The following PIP5K1C variants were observed in gnomAD, a reference collection of about 807,000 sequenced individuals.
The protein encoded by PIP5K1C is phosphatidylinositol 4-phosphate 5-kinase type-1 gamma.
PIP5K1C carries 45 observed loss-of-function variants against 80.1 expected under a neutral mutation model. The observed-to-expected ratio is 0.56, with a 90% CI of 0.44 to 0.72. PIP5K1C has a LOEUF of 0.72. Ranked by LOEUF, PIP5K1C falls within the 30% of genes least tolerant of loss-of-function variation. The probability of loss-of-function intolerance (pLI) is 0.00; values close to 1 mark genes in which losing one functional copy is unlikely to be tolerated. For synonymous variants in PIP5K1C, 498 were observed against 420.1 expected (o/e 1.19, Z -2.27); for missense variants, 753 against 954.6 (o/e 0.79, Z 2.78).
chr19:3,659,403 C>T (rs1352447178), intron 5 of PIP5K1C, among the ~76,000 whole-genome samples: 2 of 152,234 alleles, frequency 1.3e-5, no homozygotes, highest in Non-Finnish European at 1.5e-5. Context: ...CCCTGGAATG[C>T]GATCTTATCG....
intron 1 of PIP5K1C, among the ~76,000 whole-genome samples, chr19:3,690,092 T>C (rs2035899440): frequency 6.6e-6 from 1 of 150,544 alleles, no homozygotes; most frequent in African/African-American, 2.5e-5. Context: ...TTTTACTCAC[T>C]GCAAGTCTGA....
At chr19:3,646,162 T>C (rs1208758119) in intron 10 of PIP5K1C, 104 bp from the exon 11 acceptor site, 4 of 744,262 alleles carry the variant, frequency 5.4e-6, no homozygotes, top group Admixed American at 1.9e-5. Flanking sequence ...GCACCTTCTG[T>C]GTGAAAAGGC....
chr19:3,654,080 C>T (rs953780521), intron 6 of PIP5K1C, among the ~76,000 whole-genome samples: 1 of 152,240 alleles, frequency 6.6e-6, no homozygotes, highest in Non-Finnish European at 1.5e-5. Context: ...CAGCTCACTG[C>T]AGCCTCCACC....
chr19:3,647,788 A>AC (rs1193788290), intron 9 of PIP5K1C, among the ~76,000 whole-genome samples: 2 of 152,164 alleles, frequency 1.3e-5, no homozygotes, highest in African/African-American at 4.8e-5. Flanking sequence ...CTCTACTAAA[A>AC]ATACAAAAAT....
rs576500934 is a variant in PIP5K1C, at chr19:3,671,187, G to A, written c.95-3834C>T. On this transcript the variant is annotated intron_variant, in intron 1 of 17. Coordinates refer to ENST00000335312, the MANE Select transcript of PIP5K1C (RefSeq NM_012398.3). ...CCTGCCCACAGTCCTGACTCTACTC[G>A]CGAAACCACCCCTCTGGGGCCCCCC... Among the ~76,000 whole-genome samples the A allele has an allele frequency of 1.1e-4, 16 of 152,302 alleles. No individual in the cohort carries two copies. In the East Asian group the frequency reaches 2.9e-3, roughly 28 times the overall value.
At chr19:3,684,029 A>AGC in intron 1 of PIP5K1C, among the ~76,000 whole-genome samples, 2 of 147,422 alleles carry the variant, frequency 1.4e-5, no homozygotes, top group East Asian at 4.0e-4. Context: ...CTGTCTCTGC[A>AGC]GCAGGCCCGG....
chr19:3,669,741 T>C (rs923993564), intron 1 of PIP5K1C: 1 of 152,056 alleles, frequency 6.6e-6, no homozygotes, highest in Admixed American at 6.5e-5. Flanking sequence ...ATGGGCACTG[T>C]GCTGCTCTCG....
intron 2 of PIP5K1C, among the ~76,000 whole-genome samples, chr19:3,665,523 G>C (rs2034978375): frequency 6.6e-6 from 1 of 152,140 alleles, no homozygotes; most frequent in Admixed American, 6.5e-5. Context: ...AACACGGTGT[G>C]AGCCAGGCCA....
chr19:3,677,930 A>AG, intron 1 of PIP5K1C, among the ~76,000 whole-genome samples: 1 of 88,136 alleles, frequency 1.1e-5, no homozygotes. Context: ...GGAGGGATGG[A>AG]GAATGGAGGG....
At chr19:3,694,081 G>A (rs540109517) in intron 1 of PIP5K1C, among the ~76,000 whole-genome samples, 7 of 151,924 alleles carry the variant, frequency 4.6e-5, no homozygotes, top group Admixed American at 1.3e-4. Context: ...GCGTAGTGGC[G>A]GACGCCTGTA....
rs760486295 is a variant in PIP5K1C, at chr19:3,673,482, AG to A, written c.95-6130del. On this transcript the variant is annotated intron_variant, in intron 1 of 17. Transcript: ENST00000335312. ...GGCAGCAAGGGAAGGCCAGTGAGAA[AG>A]GGGCGGCAGTGGGACCCAGGTGTGT... is the stretch of plus-strand genomic sequence containing the variant. Among the ~76,000 whole-genome samples, 199 of 152,284 alleles carry A rather than the reference AG, an allele frequency of 1.3e-3. 1 individual carries two copies. The highest frequency in any genetic ancestry group is 8.8e-5 in the Non-Finnish European group (6 of 68,008).
chr19:3,666,281 G>A (rs1158296808), intron 2 of PIP5K1C, among the ~76,000 whole-genome samples: 3 of 152,260 alleles, frequency 2.0e-5, no homozygotes, highest in Non-Finnish European at 4.4e-5. Context: ...GGGAAGACGG[G>A]AGATGCAGCA....
chr19:3,640,023 T>A (rs2033896288), intron 15 of PIP5K1C, among the ~76,000 whole-genome samples: 1 of 152,018 alleles, frequency 6.6e-6, no homozygotes, highest in Non-Finnish European at 1.5e-5. Context: ...TGGCAAAGAG[T>A]TGACAGTGGC....
rs576268483 is a variant in PIP5K1C at position 3,648,274 on chromosome 19, C to T, written c.1211+351G>A. On this transcript the variant is annotated intron_variant, in intron 9 of 17. Transcript: ENST00000335312. The surrounding 1 kb of genome is among the most constrained non-coding windows in gnomAD (Gnocchi z 4.3). ...CTGGGCTCAAGCAATCCTCCCGCCT[C>T]GGCCTCCCACAGTGCTAGATTACAG... is the stretch of plus-strand genomic sequence containing the variant. Among the ~76,000 whole-genome samples, 4 of 152,318 alleles carry T rather than the reference C, an allele frequency of 2.6e-5. No individual in the cohort carries two copies. Among genetic ancestry groups the T allele is most frequent in the Admixed American group, 6.5e-5 (1 of 15,302 alleles).
chr19:3,636,680 C>A, intron 16 of PIP5K1C: 5 of 985,654 alleles, frequency 5.1e-6, no homozygotes, highest in Non-Finnish European at 6.0e-6. Flanking sequence ...GGGAAGTGGT[C>A]TCCACCTCTT....
intron 15 of PIP5K1C, among the ~76,000 whole-genome samples, chr19:3,641,427 G>C (rs1190710971): frequency 6.6e-6 from 1 of 152,054 alleles, no homozygotes; most frequent in Admixed American, 6.5e-5. Flanking sequence ...GCTGAGCAGC[G>C]TCCCTGGCCT....
chr19:3,646,728 A>C (rs2034232174), intron 10 of PIP5K1C, among the ~76,000 whole-genome samples: 1 of 152,114 alleles, frequency 6.6e-6, no homozygotes, highest in Non-Finnish European at 1.5e-5. Flanking sequence ...TTATTCTGGA[A>C]GCTCCTGCCT....
At position 3,641,905 on chromosome 19, in the gene PIP5K1C, G is replaced by A. The variant is rs1245765665; in HGVS notation, c.1683-96C>T. ...GTGAACTCCAGGGCCAGTCCCAGAG[G>A]GGAGTTGGGAGCCTCCTGATTGGGT... is the stretch of plus-strand genomic sequence containing the variant. On this transcript the variant is annotated intron_variant, in intron 14 of 17. Coordinates refer to ENST00000335312, the MANE Select transcript of PIP5K1C (RefSeq NM_012398.3). 7.5e-6 allele frequency: 7 copies of A among 930,950 alleles called. No individual in the cohort carries two copies. In the African/African-American group the frequency reaches 8.2e-5, roughly 11 times the overall value. 57.7% of individuals were successfully genotyped at this position (930,950 alleles called of 1,614,324 possible). A position where few individuals can be genotyped will look rare whatever the true frequency, so the allele number is the denominator to read the frequency against.
At chr19:3,657,620 G>T (rs967616467) in intron 5 of PIP5K1C, among the ~76,000 whole-genome samples, 1 of 152,094 alleles carries the variant, frequency 6.6e-6, no homozygotes, top group Non-Finnish European at 1.5e-5. Context: ...GTCAGGAGTG[G>T]TGGCGAGCAG....
Sources: allele counts gnomAD v4.1 joint callset (sites outside exome capture counted in the v4.1 genomes callset), GRCh38; gene constraint gnomAD v4.1.1; non-coding constraint Gnocchi (gnomAD v3.1); transcripts MANE v1.5; gene names NCBI Gene and HGNC (gene_info 2026-07-23, HGNC 2026-07-21).